The following FHIP2A variants were observed in gnomAD, a reference collection of about 807,000 sequenced individuals.
FHIP2A encodes FHF complex subunit HOOK interacting protein 2A.
FHIP2A carries 46 observed loss-of-function variants against 93.5 expected under a neutral mutation model. The ratio of observed to expected loss-of-function variants is 0.49; its 90% CI spans 0.39 to 0.63. The LOEUF is 0.63. Ranked by LOEUF, FHIP2A falls within the 20% of genes least tolerant of loss-of-function variation. FHIP2A has a pLI of 0.00. For missense variants in FHIP2A, 769 were observed against 909.7 expected, an observed-to-expected ratio of 0.85 and a Z score of 1.99; for synonymous variants, 332 against 326.5, an observed-to-expected ratio of 1.02 and a Z score of -0.18.
intron 14 of FHIP2A, among the ~76,000 whole-genome samples, chr10:114,857,228 A>G (rs1246959113): frequency 1.3e-5 from 2 of 151,536 alleles, no homozygotes; most frequent in Non-Finnish European, 2.9e-5. Flanking sequence ...TTTTTGGCCT[A>G]GTTTTACTTT....
chr10:114,866,079 G>T (rs956409502), downstream of FHIP2A, among the ~76,000 whole-genome samples: 1 of 151,928 alleles, frequency 6.6e-6, no homozygotes, highest in Non-Finnish European at 1.5e-5. Context: ...CATCACCCAG[G>T]TATTAAGCCC....
intron 4 of FHIP2A, 28 bp from the exon 5 acceptor site, chr10:114,836,096 A>G: frequency 6.6e-7 from 1 of 1,523,020 alleles, no homozygotes; most frequent in Non-Finnish European, 8.9e-7. Flanking sequence ...GCCTAAGTTT[A>G]AAAAGTTAAA....
chr10:114,860,990 A>G, intron 15 of FHIP2A, 101 bp downstream of exon 15: 2 of 1,180,934 alleles, frequency 1.7e-6, no homozygotes, highest in Non-Finnish European at 2.5e-6. Context: ...TGAAAAATAT[A>G]TCTACTGCTT....
intron 6 of FHIP2A, 134 bp from the exon 7 acceptor site, chr10:114,843,607 A>G (rs974696135): frequency 6.9e-6 from 5 of 723,142 alleles, no homozygotes; most frequent in African/African-American, 1.8e-5. Flanking sequence ...GTTGGCCAAT[A>G]ATATGCATTT....
intron 16 of FHIP2A, among the ~76,000 whole-genome samples, chr10:114,883,364 A>G (rs1425059961): frequency 1.3e-5 from 2 of 151,968 alleles, no homozygotes; most frequent in Non-Finnish European, 2.9e-5. Flanking sequence ...TCCTATCCAC[A>G]TTGTAAATTC....
intron 13 of FHIP2A, among the ~76,000 whole-genome samples, chr10:114,851,929 A>G (rs551967575): frequency 1.3e-5 from 2 of 152,236 alleles, no homozygotes; most frequent in East Asian, 1.9e-4. Context: ...CATTAAATCT[A>G]TTCCTAAGTA....
intron 16 of FHIP2A, among the ~76,000 whole-genome samples, chr10:114,875,896 AAG>A (rs1188260737): frequency 9.6e-6 from 1 of 104,562 alleles, no homozygotes; most frequent in Admixed American, 9.3e-5. Context: ...AAGAGAGAGA[AAG>A]AAATAAAGAA....
At chr10:114,822,367 T>A (rs2143008855) in intron 1 of FHIP2A, among the ~76,000 whole-genome samples, 1 of 151,434 alleles carries the variant, frequency 6.6e-6, no homozygotes, top group South Asian at 2.1e-4. Context: ...GTCCCTGCCC[T>A]CCTCCAGGAG....
At chr10:114,829,189 T>C (rs1342600885) in intron 1 of FHIP2A, among the ~76,000 whole-genome samples, 1 of 152,230 alleles carries the variant, frequency 6.6e-6, no homozygotes, top group Non-Finnish European at 1.5e-5. Flanking sequence ...AGCTACTAGT[T>C]GGCTATTTTT....
intron 3 of FHIP2A, among the ~76,000 whole-genome samples, chr10:114,834,761 A>C (rs1270278828): frequency 6.6e-6 from 1 of 152,206 alleles, no homozygotes; most frequent in Non-Finnish European, 1.5e-5. Flanking sequence ...AAATAATTTG[A>C]TTTATATTAT....
chr10:114,861,671 C>G lies in FHIP2A; in HGVS notation c.*131C>G. ...AGTATTGCTGTAAACTGGACAGAAC[C>G]ATTAAGAACCTATTGAGTGGACATT... On this transcript the variant is annotated 3_prime_UTR_variant, in exon 17 of 17. Coordinates refer to ENST00000369248, the MANE Select transcript of FHIP2A (RefSeq NM_020940.4). 7.0e-7 allele frequency: 1 copy of G among 1,437,178 alleles called. No individual in the cohort carries two copies. The highest frequency in any genetic ancestry group is 2.5e-5 in the East Asian group (1 of 39,592). The allele number at this position is 1,437,178 out of a possible 1,614,324, so 89.0% of individuals were successfully genotyped here. A position where few individuals can be genotyped will look rare whatever the true frequency, so the allele number is the denominator to read the frequency against.
intron 16 of FHIP2A, among the ~76,000 whole-genome samples, chr10:114,894,395 CAAAAAAAAAA>C (rs3086069): frequency 4.6e-5 from 5 of 109,260 alleles, no homozygotes; most frequent in Non-Finnish European, 7.6e-5. Context: ...CCCATCTCTA[CAAAAAAAAAA>C]AAAAAAAAAA....
intron 16 of FHIP2A, among the ~76,000 whole-genome samples, chr10:114,898,147 G>A (rs185497405): frequency 3.9e-5 from 6 of 152,258 alleles, no homozygotes; most frequent in African/African-American, 9.6e-5. Flanking sequence ...TCAACTGATC[G>A]CTTTTCAGTT....
intron 1 of FHIP2A, 40 bp from the exon 2 acceptor site, chr10:114,830,812 A>G (rs748684205): frequency 6.5e-6 from 9 of 1,385,540 alleles, no homozygotes; most frequent in Non-Finnish European, 9.1e-6. Context: ...GAAATTTTCA[A>G]TGCCATTTTC....
At chr10:114,853,867 C>T (rs2083750838) in intron 13 of FHIP2A, among the ~76,000 whole-genome samples, 1 of 152,032 alleles carries the variant, frequency 6.6e-6, no homozygotes, top group Non-Finnish European at 1.5e-5. Flanking sequence ...GACCTGGTGG[C>T]TCATGCCACT....
At chr10:114,850,429 A>G (rs998212524) in intron 13 of FHIP2A, among the ~76,000 whole-genome samples, 4 of 152,182 alleles carry the variant, frequency 2.6e-5, no homozygotes, top group African/African-American at 9.7e-5. Flanking sequence ...ATCCCGGCCA[A>G]GTGTGGTGTC....
chr10:114,839,936 A>C (rs1320035231), intron 5 of FHIP2A, among the ~76,000 whole-genome samples: 2 of 152,024 alleles, frequency 1.3e-5, no homozygotes, highest in African/African-American at 4.8e-5. Context: ...AGGAGTTTAC[A>C]GTCTGGTGAA....
At chr10:114,850,931 G>T (rs7907837) in intron 13 of FHIP2A, among the ~76,000 whole-genome samples, 81,246 of 151,862 alleles carry the variant, frequency 0.53, 22,171 homozygotes, top group African/African-American at 0.64. Context: ...GTTGTTGTTT[G>T]GAGACAGAGT....
chr10:114,861,362 T>C, intron 16 of FHIP2A, 28 bp downstream of exon 16: 1 of 1,613,490 alleles, frequency 6.2e-7, no homozygotes. Context: ...ATTTTTTTAA[T>C]CCAAAAATTT....
Sources: gnomAD v4.1 joint callset for allele counts (sites outside exome capture counted in the v4.1 genomes callset) on GRCh38, gnomAD v4.1.1 for gene constraint, MANE v1.5 for transcripts, NCBI Gene and HGNC (gene_info 2026-07-23, HGNC 2026-07-21) for gene names.